Variants in DHCR7 observed in about 807,000 individuals in gnomAD.
DHCR7 encodes 7-dehydrocholesterol reductase.
Under a neutral mutation model 43.3 loss-of-function variants are expected in DHCR7, and 40 were observed. That is an observed-to-expected ratio of 0.92 (90% CI 0.72 to 1.20). DHCR7 has a LOEUF of 1.20. Among genes scored for constraint, DHCR7 ranks in the 50% most tolerant of loss-of-function variants. The probability of loss-of-function intolerance (pLI) is 0.00; values close to 1 mark genes in which losing one functional copy is unlikely to be tolerated. For missense variants in DHCR7, 608 were observed against 644.6 expected (o/e 0.94, Z 0.62); for synonymous variants, 298 against 271.4 (o/e 1.10, Z -0.96).
At chr11:71,433,380 C>T (rs1345547912), downstream of DHCR7, among the ~76,000 whole-genome samples, 1 of 152,218 alleles carries the variant, frequency 6.6e-6, no homozygotes, top group African/African-American at 2.4e-5. Flanking sequence ...CACAGCCTTG[C>T]ACCTGCAGAA....
chr11:71,441,521 G>A (rs1591111642), intron 5 of DHCR7, 81 bp from the exon 6 acceptor site: 3 of 1,248,092 alleles, frequency 2.4e-6, no homozygotes, highest in Non-Finnish European at 2.3e-6. Flanking sequence ...ATGCCTGGCG[G>A]GGGCCCTGGT....
intron 2 of DHCR7, 131 bp from the exon 3 acceptor site, chr11:71,445,089 T>C: frequency 1.3e-6 from 1 of 741,714 alleles, no homozygotes; most frequent in Non-Finnish European, 2.4e-6. Flanking sequence ...ACCTTGTTCC[T>C]GACAGCAGAT....
intron 4 of DHCR7, among the ~76,000 whole-genome samples, chr11:71,442,650 T>C (rs1362882307): frequency 6.6e-6 from 1 of 151,630 alleles, no homozygotes; most frequent in African/African-American, 2.4e-5. Flanking sequence ...TTCAACTTTT[T>C]ATATATATAT....
chr11:71,445,094 G>C, intron 2 of DHCR7, 136 bp from the exon 3 acceptor site: 1 of 726,088 alleles, frequency 1.4e-6, no homozygotes, highest in Admixed American at 2.1e-5. Flanking sequence ...GTTCCTGACA[G>C]CAGATTCCAG....
At chr11:71,441,624 T>A (rs1398379760) in intron 5 of DHCR7, among the ~76,000 whole-genome samples, 184 bp from the exon 6 acceptor site, 1 of 152,112 alleles carries the variant, frequency 6.6e-6, no homozygotes, top group Non-Finnish European at 1.5e-5. Flanking sequence ...AACTACCTGC[T>A]CCTAGGAAGA....
chr11:71,427,640 CA>C (rs1219922424), downstream of DHCR7, among the ~76,000 whole-genome samples: 1 of 152,156 alleles, frequency 6.6e-6, no homozygotes, highest in Non-Finnish European at 1.5e-5. Context: ...CAGGAAACTG[CA>C]GCTTCCAGGG....
In DHCR7 at chr11:71,435,414, G is replaced by C. The variant is rs200477386; in HGVS notation, c.1389C>G (p.Thr463=). 2 of 1,612,490 alleles carry C rather than the reference G, an allele frequency of 1.2e-6. No homozygotes were observed. Among genetic ancestry groups the C allele is most frequent in the Non-Finnish European group, 1.7e-6 (2 of 1,180,010 alleles). Residue 463 remains threonine, a synonymous_variant, in exon 9 of 9, where the codon ACC becomes ACG. Coordinates refer to ENST00000355527, the MANE Select transcript of DHCR7 (RefSeq NM_001360.3). The part of the protein sequence containing the change: ...SKYGRDWERY[T]AAVPYRLLPG... ...GCAGCAGGCGGTAAGGCACTGCGGC[G>C]GTGTAGCGCTCCCAGTCCCGGCCGT...
chr11:71,441,986 A>G (rs953941557), intron 5 of DHCR7, among the ~76,000 whole-genome samples: 8 of 152,188 alleles, frequency 5.3e-5, no homozygotes, highest in Non-Finnish European at 1.5e-5. Context: ...TGGTCTCTGC[A>G]GGAAGCTTCA....
At position 71,436,010 on chromosome 11, in the gene DHCR7, G is replaced by A. The variant is rs1368247695; in HGVS notation, c.964-171C>T. ...AGCACCAACCTTGAGGGCTGTTGTG[G>A]TCATTAAATGAGTAACTCTACCTGC... On this transcript the variant is annotated intron_variant, in intron 8 of 8. Coordinates refer to ENST00000355527, the MANE Select transcript of DHCR7 (RefSeq NM_001360.3). The A allele has an allele frequency of 4.7e-6, 3 of 642,066 alleles. No homozygotes were observed. The Admixed American group carries it at 7.1e-5, about 15-fold the overall frequency. The allele number at this position is 642,066 out of a possible 1,614,324, so 39.8% of individuals were successfully genotyped here.
chr11:71,431,527 C>A (rs924790856), downstream of DHCR7, among the ~76,000 whole-genome samples: 1 of 152,198 alleles, frequency 6.6e-6, no homozygotes, highest in Non-Finnish European at 1.5e-5. Context: ...GCCCAGTCGG[C>A]CCTCGGTGGC....
At position 71,446,924 on chromosome 11, in the gene DHCR7, C is replaced by T. The variant is rs893370108; in HGVS notation, c.-7+686G>A. On this transcript the variant is annotated intron_variant, in intron 2 of 8. Transcript: ENST00000355527. The stretch of plus-strand genomic sequence containing the variant: ...AAACTACTTCTGAGAAAAGCTGACA[C>T]GCTAGTGAGTCTGATCTCAAGATCA... 1.2e-4 allele frequency among the ~76,000 whole-genome samples: 18 copies of T among 152,342 alleles called. No homozygotes were observed. The South Asian group carries it at 1.5e-3, about 12-fold the overall frequency.
downstream of DHCR7, among the ~76,000 whole-genome samples, chr11:71,432,131 CT>C (rs1467576985): frequency 4.6e-5 from 7 of 152,296 alleles, no homozygotes; most frequent in Non-Finnish European, 8.8e-5. Context: ...CAGCAGAAAA[CT>C]TTATTATCTA....
At chr11:71,448,268 T>A (rs1167599215) in intron 1 of DHCR7, 22 bp downstream of exon 1, 1 of 155,054 alleles carries the variant, frequency 6.4e-6, no homozygotes, top group East Asian at 1.9e-4. Context: ...TGGCCTCACC[T>A]GCGCACACCT....
Position 71,442,384 on chromosome 11 carries a change from C to A in DHCR7, c.322-31G>T, listed in dbSNP as rs542879175. The A allele has an allele frequency of 1.2e-4, 181 of 1,535,764 alleles. 4 individuals carry two copies. The South Asian group carries it at 1.8e-3, about 15-fold the overall frequency. On this transcript the variant is annotated intron_variant, in intron 4 of 8. Coordinates refer to ENST00000355527, the MANE Select transcript of DHCR7 (RefSeq NM_001360.3). ...ACACACAAGCAGCCTGATCACCCCC[C>A]GCCTGGAGGGCACCTGCAAAGGGGG...
rs747336124 is a variant in DHCR7 at position 71,435,179 on chromosome 11, A to C, written c.*196T>G. 1.1e-5 allele frequency: 8 copies of C among 711,534 alleles called. No homozygotes were observed. Among genetic ancestry groups the C allele is most frequent in the Non-Finnish European group, 1.8e-5 (7 of 394,384 alleles). 44.1% of individuals were successfully genotyped at this position (711,534 alleles called of 1,614,324 possible). ...TGCTGGCAATACGGCAGTGCTGGAC[A>C]CTCGGAATTCCCTTGAAGGCAAAAG... On this transcript the variant is annotated 3_prime_UTR_variant, in exon 9 of 9. Transcript: ENST00000355527.
chr11:71,432,498 G>C (rs1949233776), downstream of DHCR7, among the ~76,000 whole-genome samples: 1 of 152,212 alleles, frequency 6.6e-6, no homozygotes, highest in South Asian at 2.1e-4. Context: ...ATTGCAGAAT[G>C]AGTAAATCAA....
chr11:71,434,748 T>G lies in DHCR7; in HGVS notation c.*627A>C. Reference sequence around the variant, plus strand: ...GCCACAGCCGGTGCTGGGACCTCTCTGAGGTCTGCAGACTCCAGGCAGAGC... The same window carrying G: ...GCCACAGCCGGTGCTGGGACCTCTCGGAGGTCTGCAGACTCCAGGCAGAGC... On this transcript the variant is annotated 3_prime_UTR_variant, in exon 9 of 9. Coordinates refer to ENST00000355527, the MANE Select transcript of DHCR7 (RefSeq NM_001360.3). 3.9e-6 allele frequency: 1 copy of G among 254,708 alleles called. No homozygotes were observed. The highest frequency in any genetic ancestry group is 7.8e-6 in the Non-Finnish European group (1 of 128,008). 15.8% of individuals were successfully genotyped at this position (254,708 alleles called of 1,614,324 possible).
At position 71,441,361 on chromosome 11, in the gene DHCR7, G is replaced by A. The variant is rs759538408; in HGVS notation, c.492C>T (p.Leu164=). 1 of 1,614,238 alleles carries A rather than the reference G, an allele frequency of 6.2e-7. No homozygotes were observed. The highest frequency in any genetic ancestry group is 1.7e-5 in the Admixed American group (1 of 60,028). Residue 164 remains leucine (L), a synonymous_variant, in exon 6 of 9, where the codon CTC becomes CTT. Transcript: ENST00000355527. ...THLLWFANAH[L]LSWFSPTIIF... ...TGATGGTGGGCGAGAACCAGGACAG[G>A]AGATGAGCGTTTGCAAACCAGAGCA... is the stretch of plus-strand genomic sequence containing the variant.
Position 71,435,688 on chromosome 11 carries a change from C to T in DHCR7, c.1115G>A (p.Gly372Asp), listed in dbSNP as rs1949270496. 1.9e-6 allele frequency: 3 copies of T among 1,613,092 alleles called. No individual in the cohort carries two copies. The highest frequency in any genetic ancestry group is 2.2e-5 in the East Asian group (1 of 44,884). The change falls in exon 9 of 9, where the codon GGC (glycine) becomes GAC (aspartate). Residue 372 changes from glycine (G) to aspartate (D), a missense_variant. Transcript: ENST00000355527. Reference protein sequence around the residue: ...RRTDGRCLIWGRKPKVIECSY... With the variant: ...RRTDGRCLIWDRKPKVIECSY... ...GCACTCGATGACCTTGGGCTTCCTG[C>T]CCCAGATGAGGCAGCGCCCATCCGT... is the stretch of plus-strand genomic sequence containing the variant.
Sources: gnomAD v4.1 joint callset for allele counts (sites outside exome capture counted in the v4.1 genomes callset) on GRCh38, gnomAD v4.1.1 for gene constraint, MANE v1.5 for transcripts, NCBI Gene and HGNC (gene_info 2026-07-23, HGNC 2026-07-21) for gene names.